The following ALMS1 variants were observed in gnomAD, a reference collection of about 807,000 sequenced individuals.
ALMS1 encodes the protein ALMS1 centrosome and basal body associated protein.
A neutral mutation model predicts 352.2 loss-of-function variants in ALMS1; 271 were observed. The observed-to-expected ratio is 0.77, with a 90% CI of 0.70 to 0.85. The LOEUF (loss-of-function observed/expected upper bound fraction) is 0.85. Among genes scored for constraint, ALMS1 ranks in the 40% least tolerant of loss-of-function variants. The pLI is 0.00. For missense variants in ALMS1, 5,445 were observed against 4,870.7 expected, an observed-to-expected ratio of 1.12 and a Z score of -3.51; for synonymous variants, 1,865 against 1,761.2, an observed-to-expected ratio of 1.06 and a Z score of -1.48.
In ALMS1 at chr2:73,453,633, A is replaced by T; in HGVS notation, c.7106A>T (p.Lys2369Ile). 6.2e-7 allele frequency: 1 copy of T among 1,614,052 alleles called. No homozygotes were observed. Among genetic ancestry groups the T allele is most frequent in the Non-Finnish European group, 8.5e-7 (1 of 1,180,000 alleles). Reference sequence around the variant, plus strand: ...AGTCCTCTACAGGAAGCAGAGAGCAAAGTCAGTATGGCATTAGAAGAAACT... The same window carrying T: ...AGTCCTCTACAGGAAGCAGAGAGCATAGTCAGTATGGCATTAGAAGAAACT... ...VRSPLQEAES[K>I]VSMALEETLR... The change falls in exon 8 of 23, where the codon AAA (lysine) becomes ATA (isoleucine). Residue 2369 changes from lysine (K) to isoleucine (I), a missense_variant. Physicochemically the swap from Lys to Ile is moderately radical, Grantham distance 102. Transcript: ENST00000613296.
At chr2:73,608,896 G>A (rs1234867951) in intron 22 of ALMS1, among the ~76,000 whole-genome samples, 6 of 152,190 alleles carry the variant, frequency 3.9e-5, no homozygotes, top group African/African-American at 9.7e-5. Context: ...AGAGTCCCAG[G>A]TGGTGATTTC....
At chr2:73,457,134 G>A (rs1433361202) in intron 9 of ALMS1, 2 of 151,970 alleles carry the variant, frequency 1.3e-5, no homozygotes, top group African/African-American at 4.8e-5. Flanking sequence ...AAAACTTAAA[G>A]CTGTAGGAAA....
At chr2:73,535,040 C>CT (rs1673998713) in intron 12 of ALMS1, 91 bp downstream of exon 12, 1 of 1,527,012 alleles carries the variant, frequency 6.5e-7, no homozygotes, top group African/African-American at 1.4e-5. Context: ...GTCCAGTGCT[C>CT]TTTAATTTTT....
intron 18 of ALMS1, 132 bp from the exon 19 acceptor site, chr2:73,601,063 C>G: frequency 6.7e-7 from 1 of 1,487,360 alleles, no homozygotes. Context: ...AAACCAGACT[C>G]AAGGGCACCC....
chr2:73,474,308 A>G (rs1045499592), intron 9 of ALMS1, among the ~76,000 whole-genome samples: 1 of 151,634 alleles, frequency 6.6e-6, no homozygotes, highest in Non-Finnish European at 1.5e-5. Context: ...GTTTTGTATC[A>G]CATGGTAATA....
At position 73,451,235 on chromosome 2, in the gene ALMS1, T is replaced by C; in HGVS notation, c.4708T>C (p.Ser1570Pro). 1 of 1,612,306 alleles carries C rather than the reference T, an allele frequency of 6.2e-7. No homozygotes were observed. The highest frequency in any genetic ancestry group is 2.2e-5 in the East Asian group (1 of 44,794). Residue 1570 changes from serine (S) to proline (P), a missense_variant, in exon 8 of 23, where the codon TCC (serine) becomes CCC (proline). Coordinates refer to ENST00000613296, the MANE Select transcript of ALMS1 (RefSeq NM_001378454.1). ...TTGIPTITST[S>P]YSFGEKPIVN... ...TGGCATACCAACCATAACCTCTACT[T>C]CCTACTCATTTGGAGAGAAGCCGAT...
At chr2:73,412,186 T>G (rs1476505521) in intron 2 of ALMS1, among the ~76,000 whole-genome samples, 1 of 152,222 alleles carries the variant, frequency 6.6e-6, no homozygotes, top group Non-Finnish European at 1.5e-5. Context: ...ACATTTGAGA[T>G]AGACAGCACT....
At chr2:73,395,011 T>C (rs1670725386) in intron 1 of ALMS1, among the ~76,000 whole-genome samples, 1 of 146,200 alleles carries the variant, frequency 6.8e-6, no homozygotes, top group South Asian at 2.1e-4. Flanking sequence ...TGTGTATATA[T>C]ATGTGTATAT....
At chr2:73,545,013 C>T (rs1316656305) in intron 12 of ALMS1, among the ~76,000 whole-genome samples, 4 of 151,980 alleles carry the variant, frequency 2.6e-5, no homozygotes, top group Non-Finnish European at 4.4e-5. Context: ...ATTGTGTTTA[C>T]TAGGGGCTGG....
chr2:73,473,086 A>G (rs953014715), intron 9 of ALMS1, among the ~76,000 whole-genome samples: 1 of 152,058 alleles, frequency 6.6e-6, no homozygotes, highest in South Asian at 2.1e-4. Flanking sequence ...CATGCCTAGG[A>G]TTGGACAACT....
chr2:73,608,598 T>G (rs776587131), intron 22 of ALMS1, 24 bp downstream of exon 22: 3 of 1,566,550 alleles, frequency 1.9e-6, no homozygotes, highest in African/African-American at 1.4e-5. Flanking sequence ...CTGTCTAGAG[T>G]GGGATGGATC....
chr2:73,544,765 A>G (rs1674277566), intron 12 of ALMS1, among the ~76,000 whole-genome samples: 1 of 152,232 alleles, frequency 6.6e-6, no homozygotes, highest in African/African-American at 2.4e-5. Flanking sequence ...CCATGTTCAT[A>G]ACAGCATTAT....
intron 10 of ALMS1, among the ~76,000 whole-genome samples, chr2:73,496,797 A>G (rs1164573937): frequency 1.3e-5 from 2 of 152,188 alleles, no homozygotes; most frequent in African/African-American, 4.8e-5. Flanking sequence ...GTATCTCAAC[A>G]TAGTTTTAAT....
chr2:73,599,927 T>G (rs1675637028), intron 17 of ALMS1, among the ~76,000 whole-genome samples: 1 of 152,260 alleles, frequency 6.6e-6, no homozygotes, highest in South Asian at 2.1e-4. Context: ...AGCAGGAGAT[T>G]AAAGTGAATT....
At chr2:73,510,302 TG>T (rs2103941666) in intron 10 of ALMS1, among the ~76,000 whole-genome samples, 1 of 152,338 alleles carries the variant, frequency 6.6e-6, no homozygotes, top group East Asian at 1.9e-4. Context: ...ATTCTGGTTT[TG>T]GAATTTTCAG....
At chr2:73,522,109 C>G (rs941956346) in intron 11 of ALMS1, among the ~76,000 whole-genome samples, 2 of 152,128 alleles carry the variant, frequency 1.3e-5, no homozygotes, top group Admixed American at 6.5e-5. Context: ...ACAGGCAGTC[C>G]AGTGTAACCT....
Position 73,448,568 on chromosome 2 carries a change from C to T in ALMS1, c.2041C>T (p.Gln681Ter), listed in dbSNP as rs190439406. ...AGAGGACCTCCTCTTTTTCTATCGACAGACCTTGCCAGATGGTCATCTAAC... is the reference window on the plus strand; with the variant it reads ...AGAGGACCTCCTCTTTTTCTATCGATAGACCTTGCCAGATGGTCATCTAAC... ...HVEDLLFFYRQTLPDGHLTDQ... is the reference protein window; with the variant it reads ...HVEDLLFFYR The change falls in exon 8 of 23, where the codon CAG (glutamine) becomes TAG (stop). Residue 681 changes from glutamine (Q) to a stop codon, truncating the protein, a stop_gained. Transcript: ENST00000613296. LOFTEE classifies it high-confidence loss of function. 10 of 1,613,962 alleles carry T rather than the reference C, an allele frequency of 6.2e-6. No homozygotes were observed. Among genetic ancestry groups the T allele is most frequent in the East Asian group, 2.2e-5 (1 of 44,852 alleles).
chr2:73,395,651 C>G (rs1049003718), intron 1 of ALMS1, among the ~76,000 whole-genome samples: 5 of 152,026 alleles, frequency 3.3e-5, no homozygotes, highest in African/African-American at 1.2e-4. Context: ...TTCTGAATCT[C>G]TTCTGAACTT....
rs1209271184 is a variant in ALMS1, at chr2:73,491,371, A to G, written c.9412A>G (p.Ile3138Val). The part of the protein sequence containing the change: ...VQPSLPDSNT[I>V]TQDLKTIPSQ... ...GCCTTCTCTTCCAGACAGTAACACT[A>G]TTACTCAGGACTTGAAAACCATACC... is the stretch of plus-strand genomic sequence containing the variant. Residue 3138 changes from isoleucine to valine, a missense_variant, in exon 10 of 23, where the codon ATT (isoleucine) becomes GTT (valine). Ile to Val is a conservative substitution (Grantham distance 29). Coordinates refer to ENST00000613296, the MANE Select transcript of ALMS1 (RefSeq NM_001378454.1). The G allele has an allele frequency of 4.3e-6, 7 of 1,614,164 alleles. No individual in the cohort carries two copies. The highest frequency in any genetic ancestry group is 1.1e-5 in the South Asian group (1 of 91,080).
Sources: allele counts gnomAD v4.1 joint callset (sites outside exome capture counted in the v4.1 genomes callset), GRCh38; gene constraint gnomAD v4.1.1; transcripts MANE v1.5; gene names NCBI Gene and HGNC (gene_info 2026-07-23, HGNC 2026-07-21).